Variants in EPX observed in about 807,000 individuals in gnomAD.
The protein encoded by EPX is eosinophil peroxidase.
A neutral mutation model predicts 73.0 loss-of-function variants in EPX; 60 were observed. The ratio of observed to expected loss-of-function variants is 0.82; its 90% confidence interval spans 0.67 to 1.02. The LOEUF (loss-of-function observed/expected upper bound fraction) is 1.02, where lower values mean the gene tolerates loss of function less well. EPX is among the 50% of genes least tolerant of loss of function. The pLI is 0.00. For synonymous variants in EPX, 347 were observed against 389.2 expected, an observed-to-expected ratio of 0.89 and a Z score of 1.28; for missense variants, 950 against 973.9, an observed-to-expected ratio of 0.98 and a Z score of 0.33.
chr17:58,194,917 T>C (rs762907071), intron 5 of EPX, 47 bp from the exon 6 acceptor site: 2 of 1,466,120 alleles, frequency 1.4e-6, no homozygotes, highest in East Asian at 4.6e-5. Flanking sequence ...TAATACCTTG[T>C]GGGGTCAGGG....
rs1410743148 is a variant in EPX, at chr17:58,199,061, C to A, written c.1142C>A (p.Thr381Asn). 4 of 1,613,802 alleles carry A rather than the reference C, an allele frequency of 2.5e-6. No individual in the cohort carries two copies. Among genetic ancestry groups the A allele is most frequent in the African/African-American group, 1.3e-5 (1 of 74,924 alleles). Reference protein sequence around the residue: ...FLAGDTRSTETPKLAAMHTLF... With the variant: ...FLAGDTRSTENPKLAAMHTLF... Reference sequence around the variant, plus strand: ...CAAGGTGACACCCGATCAACGGAAACCCCCAAACTGGCAGCCATGCACACC... The same window carrying A: ...CAAGGTGACACCCGATCAACGGAAAACCCCAAACTGGCAGCCATGCACACC... The change falls in exon 8 of 13, where the codon ACC (threonine) becomes AAC (asparagine). Residue 381 changes from threonine (T) to asparagine (N), a missense_variant. Coordinates refer to ENST00000225371, the MANE Select transcript of EPX (RefSeq NM_000502.6).
In EPX at chr17:58,203,065, C is replaced by T; in HGVS notation, c.1709-16C>T. On this transcript the variant is annotated splice_polypyrimidine_tract_variant and intron_variant, in intron 10 of 12. Transcript: ENST00000225371. ...GATCAGCAAGACTGAAGCTGCTTCT[C>T]CCCGTTCCCCTGCAGGGTACAATGC... 1 of 1,591,324 alleles carries T rather than the reference C, an allele frequency of 6.3e-7. No homozygotes were observed. Among genetic ancestry groups the T allele is most frequent in the Non-Finnish European group, 8.6e-7 (1 of 1,159,948 alleles).
rs771611074 is a variant in EPX at position 58,199,581 on chromosome 17, G to A, written c.1324G>A (p.Ala442Thr). ...CTTTCTGCCCCTGGTTCTGGGCAAG[G>A]CCCGGGCCAGGAGAACCCTGGGGCA... ...RDFLPLVLGKARARRTLGHYR... is the reference protein window; with the variant it reads ...RDFLPLVLGKTRARRTLGHYR... Residue 442 changes from alanine (A) to threonine (T), a missense_variant, in exon 9 of 13, where the codon GCC becomes ACC. By Grantham distance (58) the Ala-to-Thr change is moderately conservative. Transcript: ENST00000225371. 4.3e-6 allele frequency: 7 copies of A among 1,614,128 alleles called. No individual in the cohort carries two copies. The highest frequency in any genetic ancestry group is 1.3e-5 in the African/African-American group (1 of 75,008).
Position 58,197,011 on chromosome 17 carries a change from C to G in EPX, c.874C>G (p.Pro292Ala), listed in dbSNP as rs746252508. The stretch of plus-strand genomic sequence containing the variant: ...TTTCTTCCGCTCGGCACCCTCATGC[C>G]CCCAAAACAAGAACAGAGTCCGCAA... ...IPFFRSAPSC[P>A]QNKNRVRNQI... Residue 292 changes from proline (P) to alanine (A), a missense_variant, in exon 7 of 13, where the codon CCC (proline) becomes GCC (alanine). Physicochemically the swap from Pro to Ala is conservative, Grantham distance 27 (BLOSUM62 -1). Coordinates refer to ENST00000225371, the MANE Select transcript of EPX (RefSeq NM_000502.6). 1 of 1,613,970 alleles carries G rather than the reference C, an allele frequency of 6.2e-7. No homozygotes were observed. The highest frequency in any genetic ancestry group is 1.3e-5 in the African/African-American group (1 of 74,864).
At chr17:58,201,344 C>G (rs947509530) in intron 10 of EPX, among the ~76,000 whole-genome samples, 5 of 152,210 alleles carry the variant, frequency 3.3e-5, no homozygotes, top group Admixed American at 2.6e-4. Context: ...GTGGGCACCC[C>G]CTGCCGGAGA....
intron 5 of EPX, among the ~76,000 whole-genome samples, chr17:58,194,629 C>T (rs566719637): frequency 5.0e-4 from 76 of 152,304 alleles, no homozygotes; most frequent in African/African-American, 1.7e-3. Flanking sequence ...CCTGTGAATC[C>T]GTGCTATCAT....
Position 58,192,800 on chromosome 17 carries a change from G to A in EPX, c.-47G>A, listed in dbSNP as rs1202906356. 1 of 1,535,354 alleles carries A rather than the reference G, an allele frequency of 6.5e-7. No individual in the cohort carries two copies. Among genetic ancestry groups the A allele is most frequent in the Non-Finnish European group, 9.0e-7 (1 of 1,113,996 alleles). On this transcript the variant is annotated 5_prime_UTR_variant, in exon 1 of 13. Transcript: ENST00000225371. The stretch of plus-strand genomic sequence containing the variant: ...GGGAGCAGAGGATCCTCCCGTGCAG[G>A]CTGTGGATGTCACTCACTTCCCAGC...
rs149971221 is a variant in EPX, at chr17:58,203,144, G to A, written c.1772G>A (p.Arg591Gln). 110 of 1,614,204 alleles carry A rather than the reference G, an allele frequency of 6.8e-5. No individual in the cohort carries two copies. In the African/African-American group the frequency reaches 1.2e-3, roughly 18 times the overall value. Residue 591 changes from arginine to glutamine, a missense_variant, in exon 11 of 13, where the codon CGG becomes CAG. Transcript: ENST00000225371. Reference sequence around the variant, plus strand: ...CCCCGGAATTTGGCACAGCTTAGCCGGGTGCTGAAAAACCAGGACTTGGCA... The same window carrying A: ...CCCCGGAATTTGGCACAGCTTAGCCAGGTGCTGAAAAACCAGGACTTGGCA... ...SQPRNLAQLSRVLKNQDLARK... is the reference protein window; with the variant it reads ...SQPRNLAQLSQVLKNQDLARK...
intron 11 of EPX, 57 bp from the exon 12 acceptor site, chr17:58,204,165 C>T (rs1377639135): frequency 8.6e-7 from 1 of 1,159,778 alleles, no homozygotes; most frequent in Admixed American, 1.7e-5. Flanking sequence ...ACAACAGGTG[C>T]TCATTATAAG....
At chr17:58,204,615 G>A (rs953973616) in intron 12 of EPX, 121 bp from the exon 13 acceptor site, 4 of 597,528 alleles carry the variant, frequency 6.7e-6, no homozygotes, top group African/African-American at 5.6e-5. Context: ...CAGGCCCTAG[G>A]ACTTTGGGGG....
rs1334820282 is a variant in EPX at position 58,203,293 on chromosome 17, T to C, written c.1921T>C (p.Phe641Leu). 1.9e-6 allele frequency: 3 copies of C among 1,613,820 alleles called. No individual in the cohort carries two copies. The highest frequency in any genetic ancestry group is 2.7e-5 in the African/African-American group (2 of 74,924). ...PLLACLFENQFRRARDGDRFW... is the reference protein window; with the variant it reads ...PLLACLFENQLRRARDGDRFW... ...TCTGGCTTGTCTGTTCGAGAACCAG[T>C]TCAGAAGAGCCCGAGACGGAGACAG... The change falls in exon 11 of 13, where the codon TTC (phenylalanine) becomes CTC (leucine). Residue 641 changes from phenylalanine to leucine, a missense_variant. By Grantham distance (22) the Phe-to-Leu change is conservative (BLOSUM62 0). Transcript: ENST00000225371.
chr17:58,196,088 CTTCT>C (rs1567788764), intron 6 of EPX, among the ~76,000 whole-genome samples: 1 of 114,908 alleles, frequency 8.7e-6, no homozygotes, highest in African/African-American at 3.3e-5. Context: ...TTTATCTTTC[CTTCT>C]TTCTTTCTTC....
rs199886969 is a variant in EPX at position 58,204,483 on chromosome 17, T to C, written c.*11+49T>C. Reference sequence around the variant, plus strand: ...CCCTGGGCTGGGTTAAGCCCTCACATCCTTCCCTGGATGGATGGCTGAGTC... The same window carrying C: ...CCCTGGGCTGGGTTAAGCCCTCACACCCTTCCCTGGATGGATGGCTGAGTC... On this transcript the variant is annotated intron_variant, in intron 12 of 12. Coordinates refer to ENST00000225371, the MANE Select transcript of EPX (RefSeq NM_000502.6). The C allele has an allele frequency of 1.3e-4, 153 of 1,157,516 alleles. No individual in the cohort carries two copies. In the East Asian group the frequency reaches 3.3e-3, roughly 25 times the overall value. The allele number at this position is 1,157,516 out of a possible 1,614,324, so 71.7% of individuals were successfully genotyped here. A position where few individuals can be genotyped will look rare whatever the true frequency, so the allele number is the denominator to read the frequency against.
At chr17:58,198,886 T>TG (rs1206793469) in intron 7 of EPX, among the ~76,000 whole-genome samples, 154 bp from the exon 8 acceptor site, 1 of 152,150 alleles carries the variant, frequency 6.6e-6, no homozygotes, top group Non-Finnish European at 1.5e-5. Context: ...AGGGTGGCGA[T>TG]GAGGAGCCTC....
intron 8 of EPX, 102 bp downstream of exon 8, chr17:58,199,302 G>C: frequency 1.5e-6 from 2 of 1,311,720 alleles, no homozygotes; most frequent in Non-Finnish European, 2.1e-6. Context: ...GCTGGGTCTG[G>C]GCAACTGGCG....
At chr17:58,193,651 A>AG in intron 3 of EPX, 63 bp from the exon 4 acceptor site, 1 of 1,540,494 alleles carries the variant, frequency 6.5e-7, no homozygotes. Flanking sequence ...GGGAGGAGAG[A>AG]GGGTAAAGGG....
rs765432125 is a variant in EPX, at chr17:58,192,971, G to A, written c.76+49G>A. ...GGAGGAGGGAGGGGAAATGGAAGGG[G>A]AAGCACTTGGGTCTTGGAGGGGGTC... On this transcript the variant is annotated intron_variant, in intron 1 of 12. Transcript: ENST00000225371. 4 of 1,600,664 alleles carry A rather than the reference G, an allele frequency of 2.5e-6. No individual in the cohort carries two copies. The Admixed American group carries it at 5.0e-5, about 20-fold the overall frequency.
In EPX at chr17:58,199,599, C is replaced by T. The variant is rs893761643; in HGVS notation, c.1342C>T (p.Leu448=). 1.2e-6 allele frequency: 2 copies of T among 1,614,042 alleles called. No homozygotes were observed. The highest frequency in any genetic ancestry group is 2.7e-5 in the African/African-American group (2 of 74,936). ...VLGKARARRT[L]GHYRGYCSNV... is the part of the protein sequence containing the mutation. ...GGGCAAGGCCCGGGCCAGGAGAACCCTGGGGCACTACAGGGGGTACTGCTC... is the reference window on the plus strand; with the variant it reads ...GGGCAAGGCCCGGGCCAGGAGAACCTTGGGGCACTACAGGGGGTACTGCTC... The change falls in exon 9 of 13, where the codon CTG becomes TTG. Residue 448 remains leucine, a synonymous_variant. Transcript: ENST00000225371.
chr17:58,204,121 T>C (rs113184696), intron 11 of EPX, 101 bp from the exon 12 acceptor site: 52 of 842,096 alleles, frequency 6.2e-5, no homozygotes, highest in Admixed American at 1.1e-4. Flanking sequence ...TTTGTGAGAA[T>C]TGAATGGAAT....
Sources: allele counts gnomAD v4.1 joint callset (sites outside exome capture counted in the v4.1 genomes callset), GRCh38; gene constraint gnomAD v4.1.1; transcripts MANE v1.5; gene names NCBI Gene and HGNC (gene_info 2026-07-23, HGNC 2026-07-21).